Variants in UGT2A1 observed in about 807,000 individuals in gnomAD.
UGT2A1 encodes the protein UDP glucuronosyltransferase family 2 member A1 complex locus, also known as UDP-glucuronosyltransferase 2A1.
UGT2A1 carries 61 observed loss-of-function variants against 45.4 expected under a neutral mutation model. That is an observed-to-expected ratio of 1.34 (90% CI 1.09 to 1.66). The LOEUF is 1.66. Among genes scored for constraint, UGT2A1 ranks in the 40% most tolerant of loss-of-function variants. The pLI is 0.00. For missense variants in UGT2A1, 649 were observed against 574.3 expected (o/e 1.13, Z -1.33); for synonymous variants, 229 against 196.2 (o/e 1.17, Z -1.40).
At position 69,592,793 on chromosome 4, in the gene UGT2A1, T is replaced by G. The variant is rs551848421; in HGVS notation, c.1304+1684A>C. On this transcript the variant is annotated intron_variant, in intron 6 of 6. Transcript: ENST00000286604. ...AGATAAAAAATGGAAATAAAAGGCA[T>G]TCAAAGAAATAATACAAAAAAAATT... Among the ~76,000 whole-genome samples, 7 of 151,750 alleles carry G rather than the reference T, an allele frequency of 4.6e-5. No individual in the cohort carries two copies. The East Asian group carries it at 1.4e-3, about 29-fold the overall frequency.
chr4:69,648,745 C>A (rs182366669), intron 1 of UGT2A1, among the ~76,000 whole-genome samples: 1 of 151,968 alleles, frequency 6.6e-6, no homozygotes, highest in Admixed American at 6.6e-5. Flanking sequence ...GATGGGTATA[C>A]TAAAACCTCA....
At chr4:69,607,407 CA>C (rs1209574016) in intron 3 of UGT2A1, among the ~76,000 whole-genome samples, 1 of 151,870 alleles carries the variant, frequency 6.6e-6, no homozygotes, top group African/African-American at 2.4e-5. Context: ...ACACCTTATA[CA>C]AAAATTAATT....
In UGT2A1 at chr4:69,643,189, C is replaced by T. The variant is rs146937083; in HGVS notation, c.715+3741G>A. Among the ~76,000 whole-genome samples, 66 of 151,278 alleles carry T rather than the reference C, an allele frequency of 4.4e-4. No homozygotes were observed. In the East Asian group the frequency reaches 0.013, roughly 29 times the overall value. The stretch of plus-strand genomic sequence containing the variant: ...GTAAATTATCTGGTGATACAATGGC[C>T]CAATTATATTCATTTGACAAATCAA... On this transcript the variant is annotated intron_variant, in intron 2 of 6. Transcript: ENST00000286604.
At position 69,589,022 on chromosome 4, in the gene UGT2A1, T is replaced by G. The variant is rs1718421395; in HGVS notation, c.*350A>C. 5.5e-6 allele frequency: 1 copy of G among 182,272 alleles called. No individual in the cohort carries two copies. The highest frequency in any genetic ancestry group is 1.4e-4 in the East Asian group (1 of 7,230). 11.3% of individuals were successfully genotyped at this position (182,272 alleles called of 1,614,324 possible). Reference sequence around the variant, plus strand: ...TCTACACTGTATGCATTACCAGGATTCAGCATATTGTTAATCATTAATTAA... The same window carrying G: ...TCTACACTGTATGCATTACCAGGATGCAGCATATTGTTAATCATTAATTAA... On this transcript the variant is annotated 3_prime_UTR_variant, in exon 7 of 7. Transcript: ENST00000286604.
chr4:69,635,849 A>AAAAGAG (rs772370302), intron 2 of UGT2A1, 27 bp from the exon 3 acceptor site: 1 of 118,514 alleles, frequency 8.4e-6, no homozygotes, highest in African/African-American at 4.0e-5. Flanking sequence ...AAAAAAAAAA[A>AAAAGAG]AGAGAGAGAG....
At chr4:69,635,135 A>ATT (rs1220913295) in intron 3 of UGT2A1, among the ~76,000 whole-genome samples, 4 of 152,190 alleles carry the variant, frequency 2.6e-5, no homozygotes, top group Non-Finnish European at 5.9e-5. Flanking sequence ...ATAAAAATAA[A>ATT]TTTAAAAAGA....
rs189369149 is a variant in UGT2A1, at chr4:69,590,242, A to C, written c.1305-591T>G. On this transcript the variant is annotated intron_variant, in intron 6 of 6. Transcript: ENST00000286604. Reference sequence around the variant, plus strand: ...TGGTGATTTAAGAAGTGGCATATCCAAGTACATGAACTTTGATGTTTCAAT... The same window carrying C: ...TGGTGATTTAAGAAGTGGCATATCCCAGTACATGAACTTTGATGTTTCAAT... Among the ~76,000 whole-genome samples the C allele has an allele frequency of 2.6e-3, 391 of 152,328 alleles. 2 individuals carry two copies. The highest frequency in any genetic ancestry group is 9.0e-3 in the African/African-American group (376 of 41,582).
intron 3 of UGT2A1, among the ~76,000 whole-genome samples, chr4:69,631,217 G>C (rs1721364478): frequency 6.6e-6 from 1 of 152,002 alleles, no homozygotes; most frequent in African/African-American, 2.4e-5. Flanking sequence ...TACCTATACT[G>C]TTTTAGTGAA....
intron 3 of UGT2A1, among the ~76,000 whole-genome samples, chr4:69,617,141 CTA>C (rs1012448222): frequency 2.2e-4 from 33 of 151,946 alleles, no homozygotes; most frequent in African/African-American, 7.9e-4. Context: ...CAACAATAAA[CTA>C]TGTGTAAAAG....
chr4:69,590,252 A>G (rs1718510437), intron 6 of UGT2A1, among the ~76,000 whole-genome samples: 2 of 152,216 alleles, frequency 1.3e-5, no homozygotes, highest in African/African-American at 2.4e-5. Flanking sequence ...AAGTACATGA[A>G]CTTTGATGTT....
chr4:69,634,191 G>C (rs1215178785), intron 3 of UGT2A1, among the ~76,000 whole-genome samples: 2 of 152,170 alleles, frequency 1.3e-5, no homozygotes, highest in Admixed American at 1.3e-4. Flanking sequence ...CTTGCAGTGA[G>C]CCGAGATCGC....
chr4:69,592,826 G>T (rs1718666586), intron 6 of UGT2A1, among the ~76,000 whole-genome samples: 1 of 151,948 alleles, frequency 6.6e-6, no homozygotes, highest in South Asian at 2.1e-4. Context: ...ATTAATTTCT[G>T]AAAAGAAAAA....
intron 3 of UGT2A1, among the ~76,000 whole-genome samples, chr4:69,623,336 A>G (rs1178268881): frequency 6.6e-6 from 1 of 151,804 alleles, no homozygotes; most frequent in Admixed American, 6.6e-5. Flanking sequence ...CCCAAGAAAC[A>G]GACGCTGAGA....
At chr4:69,640,043 T>G (rs1349481401) in intron 2 of UGT2A1, among the ~76,000 whole-genome samples, 1 of 152,002 alleles carries the variant, frequency 6.6e-6, no homozygotes, top group Non-Finnish European at 1.5e-5. Context: ...TAGAATAGCT[T>G]TCTTCTCCAT....
At chr4:69,595,867 T>A (rs1047721359) in intron 4 of UGT2A1, among the ~76,000 whole-genome samples, 13 of 152,192 alleles carry the variant, frequency 8.5e-5, no homozygotes, top group Admixed American at 5.9e-4. Flanking sequence ...TTAGCATAAT[T>A]TCTCCCTGCT....
At chr4:69,590,875 T>A (rs1425202431) in intron 6 of UGT2A1, among the ~76,000 whole-genome samples, 2 of 152,180 alleles carry the variant, frequency 1.3e-5, no homozygotes, top group Non-Finnish European at 2.9e-5. Flanking sequence ...GACTGATATG[T>A]TAAAATATTC....
intron 6 of UGT2A1, among the ~76,000 whole-genome samples, chr4:69,592,448 C>G (rs1232520235): frequency 6.6e-6 from 1 of 151,710 alleles, no homozygotes; most frequent in African/African-American, 2.4e-5. Context: ...AGAGGAGATT[C>G]AAAATACAAT....
chr4:69,601,145 C>T (rs1476118423), intron 3 of UGT2A1, among the ~76,000 whole-genome samples: 1 of 152,132 alleles, frequency 6.6e-6, no homozygotes, highest in African/African-American at 2.4e-5. Context: ...CTTCCTGCTG[C>T]TACACATACT....
intron 6 of UGT2A1, 135 bp downstream of exon 6, chr4:69,594,342 A>C (rs181160146): frequency 5.7e-6 from 7 of 1,217,458 alleles, no homozygotes; most frequent in Non-Finnish European, 7.8e-6. Flanking sequence ...TTTGGCAAAT[A>C]AAATAGTTTT....
Sources: gnomAD v4.1 joint callset for allele counts (sites outside exome capture counted in the v4.1 genomes callset) on GRCh38, gnomAD v4.1.1 for gene constraint, MANE v1.5 for transcripts, NCBI Gene and HGNC (gene_info 2026-07-23, HGNC 2026-07-21) for gene names.